ARHGAP22: variants seen among roughly 807,000 people sequenced by gnomAD.
ARHGAP22 encodes Rho GTPase activating protein 22.
In ARHGAP22, 48 loss-of-function variants were observed where a neutral mutation model predicts 59.1. That is an observed-to-expected ratio of 0.81 (90% CI 0.64 to 1.03). The LOEUF (loss-of-function observed/expected upper bound fraction) is 1.03, where lower values mean the gene tolerates loss of function less well. ARHGAP22 is among the 50% of genes least tolerant of loss of function. The pLI is 0.00. For missense variants in ARHGAP22, 1,015 were observed against 958.7 expected, an observed-to-expected ratio of 1.06 and a Z score of -0.78; for synonymous variants, 445 against 416.4, an observed-to-expected ratio of 1.07 and a Z score of -0.84.
At chr10:48,488,845 C>A (rs550119183) in intron 3 of ARHGAP22, among the ~76,000 whole-genome samples, 15 of 152,276 alleles carry the variant, frequency 9.9e-5, no homozygotes, top group African/African-American at 3.6e-4. Flanking sequence ...GCAGCTCTTT[C>A]CTCCTCAGCA....
chr10:48,435,059 T>TTTGGGGGCCCGGGGGGGGGGGGGGGGGGG, the ARHGAP22 span: 1 of 448,006 alleles, frequency 2.2e-6, no homozygotes. Flanking sequence ...GTGGGAGGGA[T>TTTGGGGGCCCGGGGGGGGGGGGGGGGGGG]GGGGAGTCGG....
intron 1 of ARHGAP22, among the ~76,000 whole-genome samples, chr10:48,617,737 A>T (rs2061136481): frequency 2.0e-5 from 3 of 152,018 alleles, no homozygotes; most frequent in Admixed American, 1.3e-4. Flanking sequence ...TACATCAAAA[A>T]AGTAGAAAGA....
chr10:48,635,740 C>G (rs1382750116), intron 1 of ARHGAP22, among the ~76,000 whole-genome samples: 1 of 152,244 alleles, frequency 6.6e-6, no homozygotes, highest in Non-Finnish European at 1.5e-5. Flanking sequence ...CACTCTTTGC[C>G]CCATCAGTCC....
chr10:48,631,721 C>T (rs1312965134), intron 1 of ARHGAP22, among the ~76,000 whole-genome samples: 1 of 152,158 alleles, frequency 6.6e-6, no homozygotes, highest in African/African-American at 2.4e-5. Context: ...TATAATCACC[C>T]TACATATTGT....
At chr10:48,595,560 A>G (rs114320870) in intron 1 of ARHGAP22, among the ~76,000 whole-genome samples, 2,174 of 152,186 alleles carry the variant, frequency 0.014, 55 homozygotes, top group African/African-American at 0.05. Context: ...GTCTTGCTGT[A>G]TCACCTAGGC....
chr10:48,604,849 T>A lies in ARHGAP22; in HGVS notation c.-53A>T, dbSNP rs2060594607. 1 of 1,613,670 alleles carries A rather than the reference T, an allele frequency of 6.2e-7. No homozygotes were observed. The highest frequency in any genetic ancestry group is 8.5e-7 in the Non-Finnish European group (1 of 1,179,992). ...CAGGGCCGTTCATGCTGTCATCCAC[T>A]TGCTTTTGCTCGTCCTCGCGCCTAG... On this transcript the variant is annotated 5_prime_UTR_variant, in exon 1 of 10. The change creates a new upstream start codon in the 5' untranslated region. Coordinates refer to ENST00000249601, the MANE Select transcript of ARHGAP22 (RefSeq NM_021226.4).
intron 7 of ARHGAP22, 117 bp downstream of exon 7, chr10:48,453,971 G>T: frequency 9.5e-7 from 1 of 1,055,802 alleles, no homozygotes; most frequent in South Asian, 1.3e-5. Flanking sequence ...GGCTGTGCAG[G>T]GTGGGGAATG....
intron 9 of ARHGAP22, 51 bp from the exon 10 acceptor site, chr10:48,446,670 T>C (rs1359866572): frequency 6.5e-7 from 1 of 1,547,552 alleles, no homozygotes; most frequent in African/African-American, 1.4e-5. Context: ...CCAGGTTCAC[T>C]GTCCCATGGG....
intron 3 of ARHGAP22, among the ~76,000 whole-genome samples, chr10:48,507,624 T>C (rs2052283215): frequency 6.6e-6 from 1 of 152,168 alleles, no homozygotes; most frequent in Non-Finnish European, 1.5e-5. Context: ...CTCTGTGTGC[T>C]GGGTCCTCTC....
chr10:48,432,186 G>A, the ARHGAP22 span, among the ~76,000 whole-genome samples: 1 of 152,120 alleles, frequency 6.6e-6, no homozygotes, highest in African/African-American at 2.4e-5. Flanking sequence ...AAAAGATCTT[G>A]ATTTTGAAGT....
intron 4 of ARHGAP22, among the ~76,000 whole-genome samples, chr10:48,464,352 T>G (rs1009223775): frequency 6.6e-6 from 1 of 152,130 alleles, no homozygotes; most frequent in East Asian, 1.9e-4. Flanking sequence ...ACCACTACCC[T>G]TCTGCTCCCC....
At chr10:48,599,993 G>A (rs1314061158) in intron 1 of ARHGAP22, among the ~76,000 whole-genome samples, 1 of 152,164 alleles carries the variant, frequency 6.6e-6, no homozygotes, top group Non-Finnish European at 1.5e-5. Context: ...TTGGGAGGGA[G>A]GCTTCTCAGA....
intron 3 of ARHGAP22, among the ~76,000 whole-genome samples, chr10:48,519,248 G>A (rs920844747): frequency 2.0e-5 from 3 of 152,282 alleles, no homozygotes; most frequent in Admixed American, 2.0e-4. Flanking sequence ...GACAGAGCAG[G>A]GCACTCTGTC....
intron 3 of ARHGAP22, among the ~76,000 whole-genome samples, chr10:48,480,349 C>CA (rs1323826900): frequency 6.6e-6 from 1 of 152,234 alleles, no homozygotes; most frequent in Non-Finnish European, 1.5e-5. Context: ...TCGGAAAACT[C>CA]AGACAGTTGC....
At chr10:48,453,640 C>T (rs547241300) in intron 7 of ARHGAP22, among the ~76,000 whole-genome samples, 1 of 152,334 alleles carries the variant, frequency 6.6e-6, no homozygotes, top group East Asian at 1.9e-4. Flanking sequence ...GGACAAGGGC[C>T]CACCGCTATT....
chr10:48,433,326 G>A, the ARHGAP22 span, among the ~76,000 whole-genome samples: 1 of 152,178 alleles, frequency 6.6e-6, no homozygotes, highest in Non-Finnish European at 1.5e-5. Flanking sequence ...TATAAAAATT[G>A]TATATGTTGG....
intron 4 of ARHGAP22, among the ~76,000 whole-genome samples, chr10:48,465,049 C>A (rs2047514760): frequency 6.6e-6 from 1 of 152,194 alleles, no homozygotes; most frequent in Non-Finnish European, 1.5e-5. Context: ...ACCAATCCCT[C>A]CCCTCATCAG....
At chr10:48,479,985 AT>A (rs1423934025) in intron 3 of ARHGAP22, among the ~76,000 whole-genome samples, 4 of 151,894 alleles carry the variant, frequency 2.6e-5, no homozygotes, top group African/African-American at 9.7e-5. Flanking sequence ...TCACTTTGCT[AT>A]TTTCCCATGC....
intron 3 of ARHGAP22, chr10:48,532,621 T>G (rs2054957513): frequency 6.6e-6 from 1 of 152,114 alleles, no homozygotes; most frequent in Non-Finnish European, 1.5e-5. Context: ...TATCTCCTAA[T>G]GCTATCCCTC....
Sources: allele counts gnomAD v4.1 joint callset (sites outside exome capture counted in the v4.1 genomes callset), GRCh38; gene constraint gnomAD v4.1.1; transcripts MANE v1.5; gene names NCBI Gene and HGNC (gene_info 2026-07-23, HGNC 2026-07-21).